SPMIP2: variants seen among roughly 807,000 people sequenced by gnomAD.
The protein encoded by SPMIP2 is protein SPMIP2.
the SPMIP2 span, among the ~76,000 whole-genome samples, chr4:158,914,869 C>T: frequency 4.3e-4 from 65 of 152,260 alleles, no homozygotes; most frequent in Admixed American, 3.8e-3. Context: ...ATTTCACAAA[C>T]GGTGCTTTCT....
At chr4:158,985,869 G>A in the SPMIP2 span, among the ~76,000 whole-genome samples, 1 of 151,978 alleles carries the variant, frequency 6.6e-6, no homozygotes, top group Non-Finnish European at 1.5e-5. Context: ...TGACTTGATT[G>A]TATATCTAGA....
the SPMIP2 span, among the ~76,000 whole-genome samples, chr4:159,068,366 C>T: frequency 2.0e-5 from 3 of 152,018 alleles, no homozygotes; most frequent in South Asian, 2.1e-4. Context: ...TGTGGGGTCA[C>T]GGATGAAACT....
chr4:158,929,090 C>T, the SPMIP2 span, among the ~76,000 whole-genome samples: 1 of 152,254 alleles, frequency 6.6e-6, no homozygotes, highest in Non-Finnish European at 1.5e-5. Flanking sequence ...TCTTGGCTAA[C>T]TGCAGCCTCA....
At chr4:158,906,885 T>C in the SPMIP2 span, 1 of 152,192 alleles carries the variant, frequency 6.6e-6, no homozygotes, top group Non-Finnish European at 1.5e-5. Context: ...CATTCTGGCT[T>C]AGCCGCAGAG....
At chr4:159,004,154 C>A in the SPMIP2 span, among the ~76,000 whole-genome samples, 1 of 151,638 alleles carries the variant, frequency 6.6e-6, no homozygotes, top group Non-Finnish European at 1.5e-5. Flanking sequence ...GTAGCTGGGA[C>A]CACAGGTGTG....
At chr4:158,957,810 A>G in the SPMIP2 span, among the ~76,000 whole-genome samples, 1,862 of 152,322 alleles carry the variant, frequency 0.012, 51 homozygotes, top group African/African-American at 0.043. Context: ...TGCCCTGGGA[A>G]AACCTTCTCT....
chr4:158,958,958 C>A, the SPMIP2 span, among the ~76,000 whole-genome samples: 100,131 of 152,016 alleles, frequency 0.66, 33,233 homozygotes, highest in South Asian at 0.8. Context: ...TCAGTGTTTG[C>A]AAAGTAATTT....
At chr4:158,950,828 G>T in the SPMIP2 span, among the ~76,000 whole-genome samples, 1 of 152,172 alleles carries the variant, frequency 6.6e-6, no homozygotes, top group African/African-American at 2.4e-5. Flanking sequence ...TGGAGGCAGA[G>T]GTTTCAGTGA....
chr4:159,077,537 T>C, the SPMIP2 span, among the ~76,000 whole-genome samples: 1 of 152,224 alleles, frequency 6.6e-6, no homozygotes, highest in African/African-American at 2.4e-5. Flanking sequence ...TTGAGGTTAG[T>C]AATACTTTCT....
chr4:159,003,442 G>A, the SPMIP2 span, among the ~76,000 whole-genome samples: 47 of 152,102 alleles, frequency 3.1e-4, no homozygotes, highest in Non-Finnish European at 5.3e-4. Flanking sequence ...GTCCTATACC[G>A]GACACATAAT....
chr4:159,017,356 T>TACACATACACACACACACACAC, the SPMIP2 span, among the ~76,000 whole-genome samples: 21 of 149,316 alleles, frequency 1.4e-4, no homozygotes, highest in African/African-American at 3.0e-4. Context: ...CACAAACACA[T>TACACATACACACACACACACAC]ACACACACAC....
chr4:159,047,064 T>A, the SPMIP2 span, among the ~76,000 whole-genome samples: 1 of 152,106 alleles, frequency 6.6e-6, no homozygotes, highest in Non-Finnish European at 1.5e-5. Flanking sequence ...CTTTGAGGCC[T>A]TTTAGAGCAC....
the SPMIP2 span, among the ~76,000 whole-genome samples, chr4:159,071,940 C>T: frequency 1.3e-5 from 2 of 152,202 alleles, no homozygotes; most frequent in African/African-American, 4.8e-5. Context: ...ACCTAACTAC[C>T]ATTTTTAGCA....
the SPMIP2 span, chr4:159,035,237 T>C: frequency 9.4e-6 from 6 of 640,750 alleles, no homozygotes; most frequent in African/African-American, 3.7e-5. Context: ...AATGACTCTT[T>C]ATGACAGGGA....
the SPMIP2 span, among the ~76,000 whole-genome samples, chr4:158,971,585 G>A: frequency 4.6e-4 from 70 of 152,262 alleles, no homozygotes; most frequent in Middle Eastern, 3.4e-3. Context: ...GCTAAAATCT[G>A]GATGTCAGCC....
the SPMIP2 span, among the ~76,000 whole-genome samples, chr4:158,936,518 A>G: frequency 1.3e-5 from 2 of 152,254 alleles, no homozygotes; most frequent in African/African-American, 4.8e-5. Context: ...TCACAGTGGT[A>G]CCGATTTCTG....
At chr4:158,984,803 A>G in the SPMIP2 span, among the ~76,000 whole-genome samples, 3 of 151,698 alleles carry the variant, frequency 2.0e-5, no homozygotes, top group South Asian at 6.2e-4. Flanking sequence ...TGAAGGAAAC[A>G]GAGACACAAA....
the SPMIP2 span, chr4:159,035,060 T>C: frequency 1.2e-6 from 2 of 1,613,300 alleles, no homozygotes; most frequent in South Asian, 1.1e-5. Flanking sequence ...TTTCCCACAG[T>C]AGTAGATGTT....
chr4:159,072,715 G>A, the SPMIP2 span, among the ~76,000 whole-genome samples: 12 of 151,762 alleles, frequency 7.9e-5, no homozygotes, highest in African/African-American at 2.7e-4. Context: ...TACCTGGCTC[G>A]GCCTCCCAAA....
Sources: gnomAD v4.1 joint callset for allele counts (sites outside exome capture counted in the v4.1 genomes callset) on GRCh38, gnomAD v4.1.1 for gene constraint, MANE v1.5 for transcripts, NCBI Gene and HGNC (gene_info 2026-07-23, HGNC 2026-07-21) for gene names.